IPO11: variants seen among roughly 807,000 people sequenced by gnomAD.
IPO11 encodes importin-11.
In IPO11, 66 loss-of-function variants were observed where a neutral mutation model predicts 143.2. The observed-to-expected ratio is 0.46, with a 90% CI of 0.38 to 0.57. The LOEUF is 0.57. Ranked by LOEUF, IPO11 falls within the 20% of genes least tolerant of loss-of-function variation. The pLI is 0.00. For synonymous variants in IPO11, 385 were observed against 377.8 expected (o/e 1.02, Z -0.22); for missense variants, 1,026 against 1,141.0 (o/e 0.90, Z 1.45).
At chr5:62,511,423 ATAT>A (rs1388776682) in intron 19 of IPO11, among the ~76,000 whole-genome samples, 1 of 152,228 alleles carries the variant, frequency 6.6e-6, no homozygotes, top group Non-Finnish European at 1.5e-5. Flanking sequence ...TCCAGAAATA[ATAT>A]TATAATCAAA....
At chr5:62,503,464 T>G (rs1470715633) in intron 16 of IPO11, among the ~76,000 whole-genome samples, 2 of 151,106 alleles carry the variant, frequency 1.3e-5, no homozygotes, top group Non-Finnish European at 2.9e-5. Context: ...GTTTAATATC[T>G]ATTCCTCTCC....
intron 10 of IPO11, 118 bp from the exon 11 acceptor site, chr5:62,483,892 T>G (rs1580232560): frequency 2.4e-6 from 2 of 826,982 alleles, no homozygotes; most frequent in East Asian, 6.0e-5. Flanking sequence ...AAAATGAAAA[T>G]TTATACACAA....
At chr5:62,435,016 C>G (rs1441378592) in intron 1 of IPO11, among the ~76,000 whole-genome samples, 3 of 144,990 alleles carry the variant, frequency 2.1e-5, no homozygotes, top group Admixed American at 1.4e-4. Context: ...CAGAGTGAGA[C>G]GCTGTCTCAA....
At chr5:62,425,463 G>A (rs1743698331) in intron 1 of IPO11, among the ~76,000 whole-genome samples, 1 of 152,078 alleles carries the variant, frequency 6.6e-6, no homozygotes, top group South Asian at 2.1e-4. Flanking sequence ...GATTACAGGC[G>A]AGCGCCACCA....
In IPO11 at chr5:62,628,181, C is replaced by A. The variant is rs115877899; in HGVS notation, c.*863C>A. 1 of 152,318 alleles carries A rather than the reference C, an allele frequency of 6.6e-6. No individual in the cohort carries two copies. Among genetic ancestry groups the A allele is most frequent in the Admixed American group, 6.6e-5 (1 of 15,260 alleles). 9.4% of individuals were successfully genotyped at this position (152,318 alleles called of 1,614,324 possible). A position where few individuals can be genotyped will look rare whatever the true frequency, so the allele number is the denominator to read the frequency against. ...TAGTACTTACCCTTCTCAGGTTCCT[C>A]AGTGCAGGGGTGCATCAGGGCCTCA... On this transcript the variant is annotated 3_prime_UTR_variant, in exon 30 of 30. Coordinates refer to ENST00000325324, the MANE Select transcript of IPO11 (RefSeq NM_016338.5).
rs542177255 is a variant in IPO11 at position 62,623,296 on chromosome 5, A to G, written c.2764-3858A>G. On this transcript the variant is annotated intron_variant, in intron 29 of 29. Transcript: ENST00000325324. ...ATTTATATGTCTCCTACCAAGTTTC[A>G]TGGAAAGGAAGCCTGAATATATTAT... Among the ~76,000 whole-genome samples the G allele has an allele frequency of 2.2e-4, 33 of 152,322 alleles. No homozygotes were observed. In the East Asian group the frequency reaches 2.3e-3, roughly 11 times the overall value.
chr5:62,503,488 A>G (rs1320962730), intron 16 of IPO11, among the ~76,000 whole-genome samples: 1 of 151,398 alleles, frequency 6.6e-6, no homozygotes, highest in African/African-American at 2.4e-5. Context: ...CCAGATTGTA[A>G]GATCTGTATG....
chr5:62,434,203 G>T (rs1561308245), intron 1 of IPO11, among the ~76,000 whole-genome samples: 2 of 152,076 alleles, frequency 1.3e-5, no homozygotes, highest in South Asian at 2.1e-4. Context: ...ATCCTTGCAT[G>T]GGTTTCTCTT....
At chr5:62,597,806 A>C (rs1478378174) in intron 28 of IPO11, among the ~76,000 whole-genome samples, 2 of 152,174 alleles carry the variant, frequency 1.3e-5, no homozygotes, top group Non-Finnish European at 2.9e-5. Flanking sequence ...ATAAGTGACT[A>C]TACAAGGACT....
At chr5:62,574,412 AG>A (rs1195719706) in intron 27 of IPO11, among the ~76,000 whole-genome samples, 1 of 152,182 alleles carries the variant, frequency 6.6e-6, no homozygotes, top group Non-Finnish European at 1.5e-5. Flanking sequence ...TCAAAATGGA[AG>A]GGATTTGCAC....
At chr5:62,472,243 A>G (rs1745798463) in intron 7 of IPO11, among the ~76,000 whole-genome samples, 1 of 152,232 alleles carries the variant, frequency 6.6e-6, no homozygotes, top group Non-Finnish European at 1.5e-5. Context: ...CAGGAATTAT[A>G]TGCAATATTA....
chr5:62,449,778 C>G (rs556266259), intron 3 of IPO11, 149 bp from the exon 4 acceptor site: 5 of 495,806 alleles, frequency 1.0e-5, no homozygotes, highest in Non-Finnish European at 1.4e-5. Flanking sequence ...TGCCAATATA[C>G]AAGTAATGGA....
intron 19 of IPO11, among the ~76,000 whole-genome samples, chr5:62,513,443 G>A (rs183191397): frequency 0.064 from 8,251 of 128,656 alleles, 317 homozygotes; most frequent in East Asian, 0.17. Flanking sequence ...CCCGGACGGA[G>A]CGGCTGGCTG....
intron 28 of IPO11, among the ~76,000 whole-genome samples, chr5:62,594,953 G>A (rs1036686178): frequency 2.0e-5 from 3 of 152,176 alleles, no homozygotes; most frequent in Admixed American, 6.5e-5. Context: ...AGTCAATGGA[G>A]GTCTCCTGGT....
intron 29 of IPO11, among the ~76,000 whole-genome samples, chr5:62,605,713 GTATTATTATTAT>G (rs139613779): frequency 6.8e-6 from 1 of 146,718 alleles, no homozygotes; most frequent in Non-Finnish European, 1.5e-5. Flanking sequence ...AGCTAACAAA[GTATTATTATTAT>G]TATTATTATT....
At chr5:62,546,084 C>T (rs1030601218) in intron 24 of IPO11, among the ~76,000 whole-genome samples, 3 of 152,138 alleles carry the variant, frequency 2.0e-5, no homozygotes, top group South Asian at 2.1e-4. Context: ...TTGGCCCAGC[C>T]GTCCCATTAC....
intron 27 of IPO11, among the ~76,000 whole-genome samples, chr5:62,585,026 C>G (rs555449322): frequency 1.3e-5 from 2 of 152,074 alleles, no homozygotes; most frequent in Non-Finnish European, 2.9e-5. Flanking sequence ...GGAGACCTTA[C>G]GTATATATGT....
At chr5:62,551,961 A>G (rs1481764695) in intron 26 of IPO11, among the ~76,000 whole-genome samples, 1 of 152,050 alleles carries the variant, frequency 6.6e-6, no homozygotes, top group Non-Finnish European at 1.5e-5. Context: ...CATCTCTACT[A>G]AAAATACAAA....
chr5:62,621,025 G>A (rs1746344610), intron 29 of IPO11, among the ~76,000 whole-genome samples: 1 of 152,224 alleles, frequency 6.6e-6, no homozygotes, highest in Non-Finnish European at 1.5e-5. Context: ...TAGTTTAAGA[G>A]TTAGGTTGAA....
Sources: gnomAD v4.1 joint callset for allele counts (sites outside exome capture counted in the v4.1 genomes callset) on GRCh38, gnomAD v4.1.1 for gene constraint, MANE v1.5 for transcripts, NCBI Gene and HGNC (gene_info 2026-07-23, HGNC 2026-07-21) for gene names.